Variants in PREX1 observed in about 807,000 individuals in gnomAD.
PREX1 encodes the protein phosphatidylinositol 3,4,5-trisphosphate-dependent Rac exchanger 1 protein.
In PREX1, 41 loss-of-function variants were observed where a neutral mutation model predicts 198.3. The ratio of observed to expected loss-of-function variants is 0.21; its 90% CI spans 0.16 to 0.27. The LOEUF is 0.27. PREX1 is among the 10% of genes least tolerant of loss of function. The probability of loss-of-function intolerance (pLI) is 1.00; values close to 1 mark genes in which losing one functional copy is unlikely to be tolerated. For synonymous variants in PREX1, 843 were observed against 887.2 expected (o/e 0.95, Z 0.89); for missense variants, 1,620 against 2,200.7 (o/e 0.74, Z 5.28).
intron 35 of PREX1, among the ~76,000 whole-genome samples, chr20:48,631,890 C>T (rs926997230): frequency 6.6e-6 from 1 of 152,140 alleles, no homozygotes; most frequent in Non-Finnish European, 1.5e-5. Context: ...GGGAGCCGCA[C>T]CCCTCACTCA....
chr20:48,760,641 A>G (rs2090175319), intron 1 of PREX1, among the ~76,000 whole-genome samples: 1 of 152,156 alleles, frequency 6.6e-6, no homozygotes. Flanking sequence ...CTGAGCCAGG[A>G]GAGGGAGGCT....
At chr20:48,664,203 T>A (rs944646610) in intron 15 of PREX1, among the ~76,000 whole-genome samples, 5 of 152,044 alleles carry the variant, frequency 3.3e-5, no homozygotes, top group Non-Finnish European at 7.4e-5. Context: ...TGAAATGCCA[T>A]CTCTACTAAA....
intron 18 of PREX1, chr20:48,656,416 GCCT>G (rs1389553267): frequency 6.6e-6 from 2 of 303,806 alleles, no homozygotes; most frequent in African/African-American, 1.2e-4. Flanking sequence ...CTTGCCAGGG[GCCT>G]CCAGGGCTGG....
chr20:48,627,882 G>A lies in PREX1; in HGVS notation c.4848C>T (p.Ala1616=). ...TCACCTGCTTCCGCATGATGTCCGT[G>A]GCCTGCATGATGCACTTGGGCAGCA... is the stretch of plus-strand genomic sequence containing the variant. The part of the protein sequence containing the change: ...HGLLPKCIMQ[A]TDIMRKQGPR... The change falls in exon 38 of 40, where the codon GCC becomes GCT. Residue 1616 remains alanine (A), a synonymous_variant. Coordinates refer to ENST00000371941, the MANE Select transcript of PREX1 (RefSeq NM_020820.4). 1 of 1,613,114 alleles carries A rather than the reference G, an allele frequency of 6.2e-7. No individual in the cohort carries two copies. Among genetic ancestry groups the A allele is most frequent in the Non-Finnish European group, 8.5e-7 (1 of 1,179,930 alleles).
intron 1 of PREX1, among the ~76,000 whole-genome samples, chr20:48,766,011 C>T (rs1375519631): frequency 6.6e-6 from 1 of 152,154 alleles, no homozygotes; most frequent in Non-Finnish European, 1.5e-5. Flanking sequence ...CTAGGTTGCA[C>T]CCTCCTTACG....
intron 1 of PREX1, among the ~76,000 whole-genome samples, chr20:48,797,737 C>G (rs1244793302): frequency 6.6e-6 from 1 of 152,244 alleles, no homozygotes; most frequent in Non-Finnish European, 1.5e-5. Context: ...CACAGGGCGC[C>G]AGGCCTGCAA....
the PREX1 span, among the ~76,000 whole-genome samples, chr20:48,885,511 A>G: frequency 1.3e-5 from 2 of 152,324 alleles, no homozygotes; most frequent in South Asian, 2.1e-4. Context: ...TTACAAAACT[A>G]AACCTACTCT....
the PREX1 span, among the ~76,000 whole-genome samples, chr20:48,875,354 A>C: frequency 7.2e-5 from 11 of 152,204 alleles, no homozygotes; most frequent in Non-Finnish European, 5.9e-5. Context: ...AAAGGAGGGC[A>C]GCAGGGTAAG....
chr20:48,722,636 T>G (rs1385372614), intron 5 of PREX1, among the ~76,000 whole-genome samples: 1 of 152,124 alleles, frequency 6.6e-6, no homozygotes, highest in Non-Finnish European at 1.5e-5. Flanking sequence ...GCCAGAGGAC[T>G]AAGCCCAGGG....
In PREX1 at chr20:48,758,866, T is replaced by C. The variant is rs2090166685; in HGVS notation, c.220-10986A>G. 1.3e-5 allele frequency among the ~76,000 whole-genome samples: 2 copies of C among 152,126 alleles called. 1 individual carries two copies. Among genetic ancestry groups the C allele is most frequent in the Non-Finnish European group, 2.9e-5 (2 of 67,998 alleles). On this transcript the variant is annotated intron_variant, in intron 1 of 39. Coordinates refer to ENST00000371941, the MANE Select transcript of PREX1 (RefSeq NM_020820.4). ...CTCACAGCACCTGTCACCATGGACA[T>C]TATGTGTGTTCATTATCAGTCTATT... is the stretch of plus-strand genomic sequence containing the variant.
chr20:48,680,928 CA>C (rs759256642), intron 11 of PREX1, among the ~76,000 whole-genome samples: 2 of 152,206 alleles, frequency 1.3e-5, no homozygotes, highest in Non-Finnish European at 1.5e-5. Context: ...GTGCCTGCCA[CA>C]TTATAGGCAC....
chr20:48,683,319 A>G lies in PREX1; in HGVS notation c.1335-1984T>C, dbSNP rs141345306. Among the ~76,000 whole-genome samples the G allele has an allele frequency of 4.0e-3, 606 of 152,158 alleles. 5 individuals are homozygous for G. The highest frequency in any genetic ancestry group is 0.014 in the African/African-American group (573 of 41,512). On this transcript the variant is annotated intron_variant, in intron 10 of 39. Transcript: ENST00000371941. ...GAAGAAGACGGCCCAGAGGACAGCA[A>G]CTCTGCCCTACGTTTCTGCCCAAAC...
intron 15 of PREX1, among the ~76,000 whole-genome samples, chr20:48,663,887 C>A (rs1276955103): frequency 6.6e-6 from 1 of 150,878 alleles, no homozygotes; most frequent in Non-Finnish European, 1.5e-5. Flanking sequence ...CATGTGTGCA[C>A]ACACATACAA....
At position 48,629,609 on chromosome 20, in the gene PREX1, T is replaced by C; in HGVS notation, c.4606A>G (p.Ile1536Val). The C allele has an allele frequency of 6.2e-7, 1 of 1,613,994 alleles. No homozygotes were observed. Among genetic ancestry groups the C allele is most frequent in the Non-Finnish European group, 8.5e-7 (1 of 1,179,946 alleles). ...CGGCAGAGCTCATCCAGGGCATTGA[T>C]GGGGCGGATCAGCTGTAGGGGGTAC... Reference protein sequence around the residue: ...AVKIDQLIRPINALDELCRLM... With the variant: ...AVKIDQLIRPVNALDELCRLM... The change falls in exon 37 of 40, where the codon ATC becomes GTC. Residue 1536 changes from isoleucine to valine, a missense_variant. Transcript: ENST00000371941.
chr20:48,801,639 C>T (rs2090387247), intron 1 of PREX1, among the ~76,000 whole-genome samples: 1 of 152,212 alleles, frequency 6.6e-6, no homozygotes, highest in South Asian at 2.1e-4. Flanking sequence ...CACGTCTCTC[C>T]CCGGGGCTGT....
chr20:48,857,188 A>C, the PREX1 span, among the ~76,000 whole-genome samples: 1 of 152,194 alleles, frequency 6.6e-6, no homozygotes, highest in Non-Finnish European at 1.5e-5. Context: ...TAAGAGTCAG[A>C]GAAGATATTG....
At chr20:48,733,569 G>C (rs1211650676) in intron 4 of PREX1, among the ~76,000 whole-genome samples, 1 of 152,176 alleles carries the variant, frequency 6.6e-6, no homozygotes, top group Non-Finnish European at 1.5e-5. Flanking sequence ...TGGGAATAAA[G>C]CCACAGCAGA....
chr20:48,672,546 G>A (rs1490899959), intron 14 of PREX1, among the ~76,000 whole-genome samples: 1 of 152,254 alleles, frequency 6.6e-6, no homozygotes, highest in Non-Finnish European at 1.5e-5. Flanking sequence ...GCCCTTCCAG[G>A]AGTGGACACA....
At chr20:48,815,641 CG>C (rs977531747) in intron 1 of PREX1, among the ~76,000 whole-genome samples, 2 of 152,156 alleles carry the variant, frequency 1.3e-5, no homozygotes, top group African/African-American at 4.8e-5. Context: ...TCCTAGGTAA[CG>C]GGGGTACCAG....
Sources: gnomAD v4.1 joint callset for allele counts (sites outside exome capture counted in the v4.1 genomes callset) on GRCh38, gnomAD v4.1.1 for gene constraint, MANE v1.5 for transcripts, NCBI Gene and HGNC (gene_info 2026-07-23, HGNC 2026-07-21) for gene names.